Variants in NDST3 observed in about 807,000 individuals in gnomAD.
The protein encoded by NDST3 is bifunctional heparan sulfate N-deacetylase/N-sulfotransferase 3.
A neutral mutation model predicts 96.1 loss-of-function variants in NDST3; 58 were observed. The ratio of observed to expected loss-of-function variants is 0.60; its 90% CI spans 0.49 to 0.75. The LOEUF (loss-of-function observed/expected upper bound fraction) is 0.75, where lower values mean the gene tolerates loss of function less well. Among genes scored for constraint, NDST3 ranks in the 30% least tolerant of loss-of-function variants. The pLI, the probability that NDST3 is intolerant of heterozygous loss-of-function variation, is 0.00. For synonymous variants in NDST3, 333 were observed against 359.7 expected (o/e 0.93, Z 0.84); for missense variants, 788 against 1,034.2 (o/e 0.76, Z 3.27).
At chr4:118,161,532 G>A (rs968125218) in intron 6 of NDST3, among the ~76,000 whole-genome samples, 3 of 152,176 alleles carry the variant, frequency 2.0e-5, no homozygotes, top group Admixed American at 2.0e-4. Flanking sequence ...CACCCAGTTC[G>A]AGTTTCCCAG....
chr4:118,159,316 A>C (rs1013369399), intron 6 of NDST3, among the ~76,000 whole-genome samples: 3 of 152,218 alleles, frequency 2.0e-5, no homozygotes, highest in Non-Finnish European at 4.4e-5. Flanking sequence ...ATAGATTACA[A>C]GGTCTTGGAA....
At chr4:118,058,626 TGTGTGTGTGCGCGCGCGC>T (rs67250691) in intron 2 of NDST3, among the ~76,000 whole-genome samples, 29,177 of 84,796 alleles carry the variant, frequency 0.34, 3,318 homozygotes, top group South Asian at 0.52. Context: ...TGTGTGTGTG[TGTGTGTGTGCGCGCGCGC>T]GCACGCATGC....
At chr4:118,121,996 G>C (rs1731625377) in intron 4 of NDST3, among the ~76,000 whole-genome samples, 1 of 152,110 alleles carries the variant, frequency 6.6e-6, no homozygotes, top group African/African-American at 2.4e-5. Flanking sequence ...GATAGACATT[G>C]TAGAAAGAAT....
chr4:118,115,104 G>T (rs943563585), intron 4 of NDST3, 144 bp downstream of exon 4: 9 of 796,810 alleles, frequency 1.1e-5, no homozygotes, highest in South Asian at 9.2e-5. Flanking sequence ...CTTTCAGTAT[G>T]TGGCTCTTGA....
chr4:118,095,259 T>C (rs980523494), intron 2 of NDST3, among the ~76,000 whole-genome samples: 1 of 151,534 alleles, frequency 6.6e-6, no homozygotes, highest in African/African-American at 2.4e-5. Flanking sequence ...GTTCTAGGAG[T>C]AGCATAAAGG....
chr4:118,107,783 G>T (rs1307304020), intron 3 of NDST3, among the ~76,000 whole-genome samples: 1 of 152,214 alleles, frequency 6.6e-6, no homozygotes, highest in Middle Eastern at 3.4e-3. Context: ...TAAACTGAAT[G>T]ACGCTAAAAT....
At chr4:118,181,718 C>A (rs76192709) in intron 6 of NDST3, among the ~76,000 whole-genome samples, 17,382 of 152,036 alleles carry the variant, frequency 0.11, 1,324 homozygotes, top group South Asian at 0.2. Context: ...CCCATTAAGC[C>A]AACAATATTG....
At chr4:118,072,659 A>G (rs1485596946) in intron 2 of NDST3, among the ~76,000 whole-genome samples, 1 of 152,120 alleles carries the variant, frequency 6.6e-6, no homozygotes, top group Non-Finnish European at 1.5e-5. Flanking sequence ...ATATAAAATT[A>G]TATCATCTGC....
intron 6 of NDST3, among the ~76,000 whole-genome samples, chr4:118,154,144 T>C (rs1284084684): frequency 2.0e-5 from 3 of 152,118 alleles, no homozygotes; most frequent in African/African-American, 7.2e-5. Flanking sequence ...CACTTAATAG[T>C]GATGTACATA....
intron 6 of NDST3, among the ~76,000 whole-genome samples, chr4:118,156,004 T>C (rs951248693): frequency 3.9e-5 from 6 of 152,200 alleles, no homozygotes; most frequent in Non-Finnish European, 5.9e-5. Context: ...TTTTAATTCC[T>C]ACATACTAAA....
chr4:118,216,170 G>A (rs1739182338), intron 6 of NDST3, among the ~76,000 whole-genome samples: 1 of 152,054 alleles, frequency 6.6e-6, no homozygotes, highest in Non-Finnish European at 1.5e-5. Flanking sequence ...AGATGATTTG[G>A]GAATCTGAGG....
rs370435770 is a variant in NDST3, at chr4:118,103,780, C to T, written c.982-1238C>T. Among the ~76,000 whole-genome samples, 35 of 152,222 alleles carry T rather than the reference C, an allele frequency of 2.3e-4. No homozygotes were observed. In the South Asian group the frequency reaches 3.7e-3, roughly 16 times the overall value. ...CTTCTATTTCTGAGTGTCATCAGGA[C>T]GCACATATTACATGGTTCAGCTGTG... On this transcript the variant is annotated intron_variant, in intron 2 of 13. Transcript: ENST00000296499.
chr4:118,090,502 C>T (rs2892789), intron 2 of NDST3, among the ~76,000 whole-genome samples: 128,359 of 151,754 alleles, frequency 0.85, 56,078 homozygotes, highest in South Asian at 0.96. Flanking sequence ...AAACAAAATA[C>T]GAATTAATGA....
intron 6 of NDST3, among the ~76,000 whole-genome samples, chr4:118,213,819 T>TTCA (rs1739007533): frequency 1.3e-5 from 2 of 151,822 alleles, no homozygotes; most frequent in Non-Finnish European, 2.9e-5. Flanking sequence ...TTTCTGTTTT[T>TTCA]TACCTTGACT....
chr4:118,046,701 T>A (rs1205415156), intron 1 of NDST3, among the ~76,000 whole-genome samples: 1 of 152,130 alleles, frequency 6.6e-6, no homozygotes, highest in Admixed American at 6.6e-5. Context: ...TCCATCCAAG[T>A]GCCCGAGGGC....
At chr4:118,119,492 G>A (rs1731373813) in intron 4 of NDST3, among the ~76,000 whole-genome samples, 1 of 152,160 alleles carries the variant, frequency 6.6e-6, no homozygotes, top group African/African-American at 2.4e-5. Context: ...GAGAATTCCA[G>A]TCGGGTTGCA....
intron 12 of NDST3, among the ~76,000 whole-genome samples, chr4:118,246,503 G>T (rs1461315321): frequency 6.6e-6 from 1 of 152,190 alleles, no homozygotes; most frequent in Admixed American, 6.5e-5. Flanking sequence ...CTACTTGGGA[G>T]GCTGAGGCAG....
At chr4:118,186,879 A>G (rs891509922) in intron 6 of NDST3, among the ~76,000 whole-genome samples, 1 of 152,188 alleles carries the variant, frequency 6.6e-6, no homozygotes, top group Non-Finnish European at 1.5e-5. Context: ...CATTTCTTTA[A>G]GCTTTTGTCA....
rs1725281787 is a variant in NDST3, at chr4:118,054,484, G to C, written c.574G>C (p.Asp192His). 6.2e-6 allele frequency: 10 copies of C among 1,613,092 alleles called. 1 individual carries two copies. The highest frequency in any genetic ancestry group is 5.3e-5 in the African/African-American group (4 of 74,944). The change falls in exon 2 of 14, where the codon GAT (aspartate) becomes CAT (histidine). Residue 192 changes from aspartate (D) to histidine (H), a missense_variant. Physicochemically the swap from Asp to His is moderately conservative, Grantham distance 81 (BLOSUM62 -1). Around this residue, in one of 3 missense-constraint regions of NDST3, gnomAD observed 234 missense variants for 256.9 expected, o/e 0.91. Coordinates refer to ENST00000296499, the MANE Select transcript of NDST3 (RefSeq NM_004784.3). ...CATATATGGAAATCTTGCAGTAAAA[G>C]ATTGTTGTATTAATCCTCATTCTCC... ...FSIYGNLAVK[D>H]CCINPHSPLI...
Sources: gnomAD v4.1 joint callset for allele counts (sites outside exome capture counted in the v4.1 genomes callset) on GRCh38, gnomAD v4.1.1 for gene constraint, gnomAD v4.1.1 regional missense constraint, MANE v1.5 for transcripts, NCBI Gene and HGNC (gene_info 2026-07-23, HGNC 2026-07-21) for gene names.